PCBP3: variants seen among roughly 807,000 people sequenced by gnomAD.
PCBP3 encodes poly(rC) binding protein 3.
In PCBP3, 25 loss-of-function variants were observed where a neutral mutation model predicts 52.7. The observed-to-expected ratio is 0.47, with a 90% confidence interval of 0.35 to 0.66. The LOEUF is 0.66. Among genes scored for constraint, PCBP3 ranks in the 30% least tolerant of loss-of-function variants. PCBP3 has a pLI of 0.01. For missense variants in PCBP3, 391 were observed against 490.3 expected (o/e 0.80, Z 1.91); for synonymous variants, 162 against 183.0 (o/e 0.89, Z 0.93).
Position 45,764,154 on chromosome 21 carries a change from C to T in PCBP3, c.-126+8702C>T, listed in dbSNP as rs7278502. Among the ~76,000 whole-genome samples the T allele has an allele frequency of 4.9e-3, 621 of 126,244 alleles. 9 individuals carry two copies. Among genetic ancestry groups the T allele is most frequent in the African/African-American group, 0.018 (597 of 32,468 alleles). The allele number at this position is 126,244 out of a possible 152,430, so 82.8% of individuals were successfully genotyped here. On this transcript the variant is annotated intron_variant, in intron 4 of 17. Coordinates refer to ENST00000681687, the MANE Select transcript of PCBP3 (RefSeq NM_001384156.1). ...TTTTTGTTTTTGAGATGAAGTTTTG[C>T]TCTTGTTGCCTGGGCTGGAGTGCAA...
At chr21:45,804,146 G>A (rs531103043) in intron 4 of PCBP3, among the ~76,000 whole-genome samples, 3 of 152,298 alleles carry the variant, frequency 2.0e-5, no homozygotes, top group South Asian at 4.1e-4. Context: ...CCGCGTGGCT[G>A]TAGTGTTTTT....
chr21:45,909,435 G>T lies in PCBP3; in HGVS notation c.420G>T (p.Gln140His). 1 of 1,613,590 alleles carries T rather than the reference G, an allele frequency of 6.2e-7. No individual in the cohort carries two copies. The highest frequency in any genetic ancestry group is 1.3e-5 in the African/African-American group (1 of 75,048). ...VTLRLVVPAS[Q>H]CGSLIGKGGS... The stretch of plus-strand genomic sequence containing the variant: ...TGAGGCTGGTGGTGCCTGCCAGCCA[G>T]TGTGGGTCCCTGATCGGCAAAGGAG... Residue 140 changes from glutamine to histidine, a missense_variant, in exon 10 of 18, where the codon CAG becomes CAT. Gln to His is a conservative substitution (Grantham distance 24). Transcript: ENST00000681687.
chr21:45,731,120 C>CCTTTATTTTGGATTGAGTA (rs1442924382), intron 2 of PCBP3, among the ~76,000 whole-genome samples: 8 of 152,094 alleles, frequency 5.3e-5, no homozygotes, highest in African/African-American at 1.9e-4. Context: ...CTCTCATTCT[C>CCTTTATTTTGGATTGAGTA]CTTTATTTTG....
At chr21:45,653,757 T>C (rs1480757396) in intron 1 of PCBP3, among the ~76,000 whole-genome samples, 2 of 152,180 alleles carry the variant, frequency 1.3e-5, no homozygotes, top group Admixed American at 6.5e-5. Flanking sequence ...AAATTTACGA[T>C]TCTATTATGT....
At chr21:45,760,372 G>A (rs1286153369) in intron 4 of PCBP3, 1 of 152,178 alleles carries the variant, frequency 6.6e-6, no homozygotes, top group South Asian at 2.1e-4. Flanking sequence ...CCTATTTCAG[G>A]AGGAGAGAAG....
At chr21:45,797,674 G>A (rs1212801462) in intron 4 of PCBP3, among the ~76,000 whole-genome samples, 1 of 128,286 alleles carries the variant, frequency 7.8e-6, no homozygotes. Flanking sequence ...CATAGGGAGA[G>A]TGAATGCATA....
At chr21:45,825,615 G>A (rs1044599239) in intron 4 of PCBP3, among the ~76,000 whole-genome samples, 8 of 152,132 alleles carry the variant, frequency 5.3e-5, no homozygotes, top group Admixed American at 6.5e-5. Flanking sequence ...TGTATTAGAC[G>A]GAGGAAACCC....
At chr21:45,703,759 A>C (rs974623973) in intron 2 of PCBP3, among the ~76,000 whole-genome samples, 2 of 152,132 alleles carry the variant, frequency 1.3e-5, no homozygotes, top group Non-Finnish European at 2.9e-5. Flanking sequence ...GTGGATATGC[A>C]TGGTGGCTGG....
At chr21:45,938,831 G>A (rs2077150161) in intron 16 of PCBP3, among the ~76,000 whole-genome samples, 1 of 152,222 alleles carries the variant, frequency 6.6e-6, no homozygotes. Context: ...AAGGTGAGCA[G>A]AGTTGAGACA....
Position 45,842,255 on chromosome 21 carries a change from A to T in PCBP3, c.-125-7706A>T, listed in dbSNP as rs115128589. On this transcript the variant is annotated intron_variant, in intron 4 of 17. Coordinates refer to ENST00000681687, the MANE Select transcript of PCBP3 (RefSeq NM_001384156.1). ...CTTGTTGCTTTCCTGGAACTTGGAG[A>T]CTACAAGTACGATTTGGAGTTTCTC... 5.3e-3 allele frequency among the ~76,000 whole-genome samples: 807 copies of T among 152,242 alleles called. 4 individuals are homozygous for T. Among genetic ancestry groups the T allele is most frequent in the African/African-American group, 0.018 (755 of 41,526 alleles).
At position 45,902,508 on chromosome 21, in the gene PCBP3, T is replaced by C. The variant is rs556641566; in HGVS notation, c.339+1395T>C. Among the ~76,000 whole-genome samples the C allele has an allele frequency of 4.2e-4, 64 of 152,370 alleles. No homozygotes were observed. The South Asian group carries it at 0.013, about 31-fold the overall frequency. On this transcript the variant is annotated intron_variant, in intron 9 of 17. Coordinates refer to ENST00000681687, the MANE Select transcript of PCBP3 (RefSeq NM_001384156.1). ...TGGTCAGCTGTGCTGCAGGGTCCTC[T>C]GGATCTTTCTGTTGCTGAGTCATCC...
chr21:45,858,017 G>T (rs1169681771), intron 5 of PCBP3, among the ~76,000 whole-genome samples: 1 of 152,148 alleles, frequency 6.6e-6, no homozygotes, highest in Non-Finnish European at 1.5e-5. Context: ...CACTGACCGT[G>T]CTCCTCAGAC....
At chr21:45,678,279 C>T (rs2081591518) in intron 2 of PCBP3, among the ~76,000 whole-genome samples, 1 of 151,032 alleles carries the variant, frequency 6.6e-6, no homozygotes, top group African/African-American at 2.4e-5. Context: ...GCACTCTAGC[C>T]TGGGCGACAG....
chr21:45,685,915 C>CTTTTT (rs1168054154), intron 2 of PCBP3, among the ~76,000 whole-genome samples: 1 of 125,458 alleles, frequency 8.0e-6, no homozygotes, highest in Non-Finnish European at 1.7e-5. Context: ...GTAAGATGAA[C>CTTTTT]TTTTTTTTTT....
chr21:45,730,374 T>G (rs2085363354), intron 2 of PCBP3, among the ~76,000 whole-genome samples: 1 of 152,146 alleles, frequency 6.6e-6, no homozygotes, highest in Admixed American at 6.5e-5. Context: ...TTAATTGATT[T>G]CTAATTTAAT....
chr21:45,875,932 A>T (rs148060941), intron 5 of PCBP3, among the ~76,000 whole-genome samples: 6 of 152,312 alleles, frequency 3.9e-5, no homozygotes, highest in Admixed American at 6.5e-5. Context: ...CCAGACTGTG[A>T]GCCACTTGCA....
intron 1 of PCBP3, among the ~76,000 whole-genome samples, chr21:45,668,215 T>A (rs2080934145): frequency 6.6e-6 from 1 of 152,156 alleles, no homozygotes; most frequent in African/African-American, 2.4e-5. Context: ...CTTCTAGATT[T>A]CCAGAAATAT....
chr21:45,866,820 C>T (rs544009500), intron 5 of PCBP3, among the ~76,000 whole-genome samples: 4 of 152,268 alleles, frequency 2.6e-5, no homozygotes, highest in African/African-American at 9.6e-5. Context: ...CTCCTGCCCA[C>T]CCCACCCCCG....
chr21:45,887,560 G>T (rs1315298791), intron 5 of PCBP3, among the ~76,000 whole-genome samples: 1 of 152,254 alleles, frequency 6.6e-6, no homozygotes, highest in African/African-American at 2.4e-5. Context: ...GCAGACAGGA[G>T]CTCTGTGGCA....
Sources: allele counts gnomAD v4.1 joint callset (sites outside exome capture counted in the v4.1 genomes callset), GRCh38; gene constraint gnomAD v4.1.1; transcripts MANE v1.5; gene names NCBI Gene and HGNC (gene_info 2026-07-23, HGNC 2026-07-21).